Variants in SORCS3 observed in about 807,000 individuals in gnomAD.
SORCS3 encodes sortilin related VPS10 domain containing receptor 3.
SORCS3 carries 57 observed loss-of-function variants against 146.3 expected under a neutral mutation model. The observed-to-expected ratio is 0.39, with a 90% CI of 0.31 to 0.49. The LOEUF (loss-of-function observed/expected upper bound fraction) is 0.49, where lower values mean the gene tolerates loss of function less well. Among genes scored for constraint, SORCS3 ranks in the 20% least tolerant of loss-of-function variants. The pLI is 0.92. For missense variants in SORCS3, 1,341 were observed against 1,575.5 expected, an observed-to-expected ratio of 0.85 and a Z score of 2.52; for synonymous variants, 653 against 618.5, an observed-to-expected ratio of 1.06 and a Z score of -0.83.
chr10:104,787,693 C>T (rs1279293225), intron 1 of SORCS3, among the ~76,000 whole-genome samples: 3 of 152,108 alleles, frequency 2.0e-5, no homozygotes, highest in South Asian at 2.1e-4. Flanking sequence ...ATGTCCATAG[C>T]AGTTGGATTC....
chr10:104,898,203 T>C (rs568076649), intron 2 of SORCS3, among the ~76,000 whole-genome samples: 1 of 152,368 alleles, frequency 6.6e-6, no homozygotes, highest in African/African-American at 2.4e-5. Context: ...CAAGCCTCGC[T>C]TCTTTATTTG....
In SORCS3 at chr10:104,934,266, G is replaced by T. The variant is rs549215184; in HGVS notation, c.795+18334G>T. ...AATCCCAGACCTCATCTACCATGGA[G>T]AATCTGATTCTACAGGTCTGGGAAA... On this transcript the variant is annotated intron_variant, in intron 3 of 26. Coordinates refer to ENST00000369701, the MANE Select transcript of SORCS3 (RefSeq NM_014978.3). 3.3e-5 allele frequency among the ~76,000 whole-genome samples: 5 copies of T among 152,330 alleles called. No homozygotes were observed. In the South Asian group the frequency reaches 1.0e-3, roughly 32 times the overall value.
intron 2 of SORCS3, among the ~76,000 whole-genome samples, chr10:104,895,212 C>T (rs189356479): frequency 1.1e-4 from 16 of 152,304 alleles, no homozygotes; most frequent in Non-Finnish European, 2.9e-5. Flanking sequence ...ATTTCAATCC[C>T]TTTCCACATC....
At chr10:104,905,597 G>A (rs974454027) in intron 2 of SORCS3, among the ~76,000 whole-genome samples, 2 of 152,308 alleles carry the variant, frequency 1.3e-5, no homozygotes, top group East Asian at 1.9e-4. Context: ...TAAAAGAGAC[G>A]TCCAAGGTAG....
chr10:105,185,154 AAAAAT>A (rs759663302), intron 14 of SORCS3, among the ~76,000 whole-genome samples: 2 of 152,162 alleles, frequency 1.3e-5, no homozygotes, highest in Non-Finnish European at 2.9e-5. Flanking sequence ...CTTTTGTTAA[AAAAAT>A]AAAATAAAAA....
At chr10:105,246,322 C>T (rs1564794815) in intron 21 of SORCS3, among the ~76,000 whole-genome samples, 1 of 150,946 alleles carries the variant, frequency 6.6e-6, no homozygotes, top group Non-Finnish European at 1.5e-5. Flanking sequence ...CTTTTCTTTT[C>T]TTTTTTTTTA....
At chr10:104,821,266 G>A (rs1355026150) in intron 1 of SORCS3, among the ~76,000 whole-genome samples, 1 of 152,164 alleles carries the variant, frequency 6.6e-6, no homozygotes, top group Non-Finnish European at 1.5e-5. Context: ...AGGTAAGCAT[G>A]TGGAATGGGA....
chr10:105,213,822 A>T (rs1435522777), intron 17 of SORCS3, among the ~76,000 whole-genome samples: 2 of 152,002 alleles, frequency 1.3e-5, no homozygotes, highest in Non-Finnish European at 2.9e-5. Context: ...TGTGCTTCTA[A>T]TCTGGAGTTT....
intron 14 of SORCS3, 82 bp downstream of exon 14, chr10:105,178,255 G>T: frequency 8.9e-7 from 1 of 1,117,410 alleles, no homozygotes; most frequent in Non-Finnish European, 1.3e-6. Context: ...TTTTCCCAGG[G>T]AACCCTACAC....
intron 1 of SORCS3, among the ~76,000 whole-genome samples, chr10:104,793,671 AT>A (rs1472318415): frequency 6.6e-6 from 1 of 152,208 alleles, no homozygotes; most frequent in African/African-American, 2.4e-5. Context: ...CAGTGACACC[AT>A]GAACCAGGAC....
intron 1 of SORCS3, among the ~76,000 whole-genome samples, chr10:104,644,700 T>C (rs1019454963): frequency 6.6e-6 from 1 of 152,224 alleles, no homozygotes; most frequent in East Asian, 1.9e-4. Context: ...TATCTTTTAT[T>C]CTGGCTTCTG....
At chr10:105,050,043 AC>A (rs2055400404) in intron 5 of SORCS3, among the ~76,000 whole-genome samples, 1 of 151,972 alleles carries the variant, frequency 6.6e-6, no homozygotes, top group Non-Finnish European at 1.5e-5. Context: ...ACATACACAC[AC>A]ACACACACAC....
chr10:104,981,110 A>G (rs888693526), intron 4 of SORCS3, among the ~76,000 whole-genome samples: 9 of 152,176 alleles, frequency 5.9e-5, no homozygotes, highest in Non-Finnish European at 1.0e-4. Context: ...ACCCCAGTCT[A>G]CTAAAGTCCT....
intron 14 of SORCS3, among the ~76,000 whole-genome samples, chr10:105,179,249 TA>T (rs2119563269): frequency 1.3e-5 from 2 of 152,338 alleles, no homozygotes; most frequent in South Asian, 4.1e-4. Flanking sequence ...CATGACCTGG[TA>T]TTCCCTAGCA....
At chr10:105,153,885 A>T (rs1589658440) in intron 9 of SORCS3, among the ~76,000 whole-genome samples, 1 of 151,926 alleles carries the variant, frequency 6.6e-6, no homozygotes, top group African/African-American at 2.4e-5. Context: ...CCTGGCCAAC[A>T]TGGTGAAACC....
intron 1 of SORCS3, among the ~76,000 whole-genome samples, chr10:104,806,993 G>T (rs1341632930): frequency 6.6e-6 from 1 of 152,046 alleles, no homozygotes; most frequent in African/African-American, 2.4e-5. Context: ...GGACCTTGGG[G>T]AATTTTTGGG....
At chr10:105,031,269 C>T (rs77833144) in intron 4 of SORCS3, among the ~76,000 whole-genome samples, 2,205 of 151,546 alleles carry the variant, frequency 0.015, 49 homozygotes, top group African/African-American at 0.05. Flanking sequence ...ACTGCCCTCC[C>T]GTCTGGGCAA....
At chr10:105,106,393 C>T (rs1361659099) in intron 7 of SORCS3, among the ~76,000 whole-genome samples, 1 of 152,154 alleles carries the variant, frequency 6.6e-6, no homozygotes, top group African/African-American at 2.4e-5. Flanking sequence ...TTTCTATGAA[C>T]TTCCAAGCTC....
intron 1 of SORCS3, among the ~76,000 whole-genome samples, chr10:104,754,290 C>T (rs899213801): frequency 2.0e-5 from 3 of 152,076 alleles, no homozygotes; most frequent in South Asian, 2.1e-4. Flanking sequence ...CAAAATCATC[C>T]GGGGCCCCTG....
Sources: gnomAD v4.1 joint callset for allele counts (sites outside exome capture counted in the v4.1 genomes callset) on GRCh38, gnomAD v4.1.1 for gene constraint, MANE v1.5 for transcripts, NCBI Gene and HGNC (gene_info 2026-07-23, HGNC 2026-07-21) for gene names.